The following CSMD3 variants were observed in gnomAD, a reference collection of about 807,000 sequenced individuals.
The protein encoded by CSMD3 is CUB and sushi domain-containing protein 3.
CSMD3 carries 177 observed loss-of-function variants against 435.2 expected under a neutral mutation model. The ratio of observed to expected loss-of-function variants is 0.41; its 90% CI spans 0.36 to 0.46. The LOEUF is 0.46. Among genes scored for constraint, CSMD3 ranks in the 20% least tolerant of loss-of-function variants. The pLI, the probability that CSMD3 is intolerant of heterozygous loss-of-function variation, is 0.34. For synonymous variants in CSMD3, 1,656 were observed against 1,520.5 expected (o/e 1.09, Z -2.07); for missense variants, 4,265 against 4,504.6 (o/e 0.95, Z 1.52).
intron 13 of CSMD3, among the ~76,000 whole-genome samples, chr8:112,731,041 G>A (rs778089239): frequency 6.6e-6 from 1 of 152,050 alleles, no homozygotes; most frequent in African/African-American, 2.4e-5. Flanking sequence ...TAATTATTTA[G>A]CTGTTCAGAG....
intron 12 of CSMD3, among the ~76,000 whole-genome samples, chr8:112,805,634 A>G (rs894436883): frequency 6.6e-5 from 10 of 152,300 alleles, no homozygotes; most frequent in Non-Finnish European, 1.2e-4. Context: ...TCACGCCTTT[A>G]GTTTCTAACA....
chr8:113,027,773 T>C (rs1439006346), intron 5 of CSMD3, among the ~76,000 whole-genome samples: 1 of 152,132 alleles, frequency 6.6e-6, no homozygotes, highest in Non-Finnish European at 1.5e-5. Context: ...TGTAACTCTC[T>C]TCTGATTTCC....
intron 4 of CSMD3, among the ~76,000 whole-genome samples, chr8:113,156,140 GC>G (rs1322518773): frequency 6.6e-6 from 1 of 151,944 alleles, no homozygotes; most frequent in Non-Finnish European, 1.5e-5. Flanking sequence ...AGAAAGGTAA[GC>G]AAAAATTTCT....
intron 32 of CSMD3, among the ~76,000 whole-genome samples, chr8:112,466,119 A>C (rs1020440283): frequency 6.6e-6 from 1 of 152,332 alleles, no homozygotes; most frequent in African/African-American, 2.4e-5. Flanking sequence ...AAAAAAGAGT[A>C]ATAATTGGTT....
At chr8:112,411,530 T>C (rs1458388262) in intron 32 of CSMD3, among the ~76,000 whole-genome samples, 1 of 152,022 alleles carries the variant, frequency 6.6e-6, no homozygotes, top group Non-Finnish European at 1.5e-5. Context: ...GGAATCACTA[T>C]AGTAAAGACA....
At chr8:112,973,358 G>C (rs146214886) in intron 7 of CSMD3, among the ~76,000 whole-genome samples, 348 of 151,968 alleles carry the variant, frequency 2.3e-3, no homozygotes, top group African/African-American at 8.0e-3. Flanking sequence ...CTCACTCTCT[G>C]CATACACACT....
At chr8:112,995,053 T>A (rs1389772705) in intron 6 of CSMD3, among the ~76,000 whole-genome samples, 1 of 151,568 alleles carries the variant, frequency 6.6e-6, no homozygotes, top group East Asian at 1.9e-4. Flanking sequence ...AGATTTAGAA[T>A]TCCCAAGGCA....
At chr8:113,409,857 T>C (rs1019599597) in intron 1 of CSMD3, among the ~76,000 whole-genome samples, 2 of 150,000 alleles carry the variant, frequency 1.3e-5, no homozygotes, top group African/African-American at 5.0e-5. Context: ...TGCATTCATA[T>C]ACTCCATTAA....
intron 9 of CSMD3, among the ~76,000 whole-genome samples, chr8:112,937,410 GCACGATCTTGGCT>G (rs2083316432): frequency 6.6e-6 from 1 of 150,476 alleles, no homozygotes; most frequent in Admixed American, 6.6e-5. Context: ...GAGTGCAGTG[GCACGATCTTGGCT>G]CACTGCAACC....
intron 13 of CSMD3, among the ~76,000 whole-genome samples, chr8:112,736,773 T>A (rs2132036398): frequency 6.6e-6 from 1 of 152,090 alleles, no homozygotes; most frequent in Non-Finnish European, 1.5e-5. Flanking sequence ...TAATAAATCC[T>A]GATGAATAAA....
At chr8:112,330,982 G>A (rs1045680594) in intron 45 of CSMD3, among the ~76,000 whole-genome samples, 1 of 151,860 alleles carries the variant, frequency 6.6e-6, no homozygotes, top group African/African-American at 2.4e-5. Context: ...CTGGCTTTAT[G>A]TAGGTTATCC....
At chr8:112,764,280 A>T (rs1021448732) in intron 13 of CSMD3, among the ~76,000 whole-genome samples, 96 of 151,520 alleles carry the variant, frequency 6.3e-4, no homozygotes, top group African/African-American at 2.3e-3. Context: ...AAAAATTTAA[A>T]AACTTCTTGT....
At chr8:112,261,918 AT>A (rs1180699928) in intron 61 of CSMD3, among the ~76,000 whole-genome samples, 4 of 151,988 alleles carry the variant, frequency 2.6e-5, no homozygotes, top group East Asian at 1.9e-4. Flanking sequence ...AGAAAAAAAA[AT>A]ACATATATAT....
intron 1 of CSMD3, among the ~76,000 whole-genome samples, chr8:113,402,472 C>T (rs1419481526): frequency 6.6e-6 from 1 of 151,280 alleles, no homozygotes; most frequent in Non-Finnish European, 1.5e-5. Flanking sequence ...GCACAAAAAT[C>T]CCCAAAGGGT....
chr8:112,740,491 G>A (rs968709892), intron 13 of CSMD3, among the ~76,000 whole-genome samples: 15 of 151,678 alleles, frequency 9.9e-5, no homozygotes, highest in South Asian at 8.3e-4. Flanking sequence ...TAATTTCCAC[G>A]AGATGTGTAG....
In CSMD3 at chr8:112,766,832, A is replaced by G. The variant is rs147401669; in HGVS notation, c.1972+33330T>C. On this transcript the variant is annotated intron_variant, in intron 13 of 70. Coordinates refer to ENST00000297405, the MANE Select transcript of CSMD3 (RefSeq NM_198123.2). ...CTTTCTATTGGCACAGCAAACTGTG[A>G]TCATTAAGAACTCTGGAATTAGAAA... Among the ~76,000 whole-genome samples, 1,455 of 151,936 alleles carry G rather than the reference A, an allele frequency of 9.6e-3. 12 individuals carry two copies. Among genetic ancestry groups the G allele is most frequent in the South Asian group, 0.016 (78 of 4,826 alleles).
chr8:113,160,997 T>A (rs1270570797), intron 4 of CSMD3, among the ~76,000 whole-genome samples: 1 of 152,096 alleles, frequency 6.6e-6, no homozygotes, highest in African/African-American at 2.4e-5. Flanking sequence ...AGGAATTAAA[T>A]CTGGCCTTTG....
chr8:113,066,453 T>C (rs2088864524), intron 5 of CSMD3, among the ~76,000 whole-genome samples: 2 of 152,222 alleles, frequency 1.3e-5, no homozygotes, highest in African/African-American at 4.8e-5. Flanking sequence ...CTCTAAATGA[T>C]GAATAATTCT....
chr8:112,300,677 G>A (rs1034207801), intron 53 of CSMD3, among the ~76,000 whole-genome samples: 1 of 152,014 alleles, frequency 6.6e-6, no homozygotes, highest in African/African-American at 2.4e-5. Flanking sequence ...AGAGACTCAG[G>A]AGTTCCCTGT....
Sources: allele counts gnomAD v4.1 joint callset (sites outside exome capture counted in the v4.1 genomes callset), GRCh38; gene constraint gnomAD v4.1.1; transcripts MANE v1.5; gene names NCBI Gene and HGNC (gene_info 2026-07-23, HGNC 2026-07-21).